Variants in MTA3 observed in about 807,000 individuals in gnomAD.
MTA3 encodes the protein metastasis associated 1 family member 3.
A neutral mutation model predicts 83.5 loss-of-function variants in MTA3; 34 were observed. The ratio of observed to expected loss-of-function variants is 0.41; its 90% CI spans 0.31 to 0.54. MTA3 has a LOEUF of 0.54. Among genes scored for constraint, MTA3 ranks in the 20% least tolerant of loss-of-function variants. MTA3 has a pLI of 0.33. For missense variants in MTA3, 761 were observed against 726.4 expected (o/e 1.05, Z -0.55); for synonymous variants, 303 against 252.7 (o/e 1.20, Z -1.89).
At chr2:42,631,772 C>T (rs1036763909) in intron 4 of MTA3, among the ~76,000 whole-genome samples, 7 of 152,102 alleles carry the variant, frequency 4.6e-5, no homozygotes, top group Non-Finnish European at 1.0e-4. Context: ...TCATTGCAAC[C>T]TCCACCTCCT....
At chr2:42,609,802 A>G (rs1324298621) in intron 4 of MTA3, among the ~76,000 whole-genome samples, 1 of 152,158 alleles carries the variant, frequency 6.6e-6, no homozygotes, top group Admixed American at 6.6e-5. Context: ...CTTTGTTTTA[A>G]TAACAGACTT....
In MTA3 at chr2:42,600,810, G is replaced by T. The variant is rs144906578; in HGVS notation, c.191-8648G>T. 1.9e-3 allele frequency among the ~76,000 whole-genome samples: 284 copies of T among 152,138 alleles called. 2 individuals are homozygous for T. Among genetic ancestry groups the T allele is most frequent in the African/African-American group, 6.5e-3 (270 of 41,510 alleles). On this transcript the variant is annotated intron_variant, in intron 3 of 16. Coordinates refer to ENST00000405094, the MANE Select transcript of MTA3 (RefSeq NM_001330442.2). ...CCTGCCTTGGCCTCGCAAAGTTCTG[G>T]GATTACAGACGTAAGCCACTGTGAT...
intron 15 of MTA3, among the ~76,000 whole-genome samples, chr2:42,719,793 T>G (rs1443642077): frequency 6.6e-6 from 1 of 152,250 alleles, no homozygotes; most frequent in Non-Finnish European, 1.5e-5. Flanking sequence ...GCTCCATTTT[T>G]ATGTTGAAAT....
intron 11 of MTA3, among the ~76,000 whole-genome samples, chr2:42,702,042 C>T (rs1665623326): frequency 6.6e-6 from 1 of 152,114 alleles, no homozygotes; most frequent in Non-Finnish European, 1.5e-5. Flanking sequence ...GAAACTCCGT[C>T]TCTACTAAAA....
At chr2:42,680,963 G>A (rs1013525960) in intron 8 of MTA3, among the ~76,000 whole-genome samples, 3 of 152,038 alleles carry the variant, frequency 2.0e-5, no homozygotes, top group Admixed American at 6.6e-5. Flanking sequence ...GGCTGGTCTC[G>A]AAGTCCTGGG....
chr2:42,744,675 G>A (rs1303226862), intron 16 of MTA3, among the ~76,000 whole-genome samples: 4 of 152,198 alleles, frequency 2.6e-5, no homozygotes, highest in African/African-American at 9.6e-5. Flanking sequence ...AAAGGAAAGG[G>A]AAGGAGACAG....
At chr2:42,634,391 G>T (rs1558526094) in intron 4 of MTA3, among the ~76,000 whole-genome samples, 1 of 152,130 alleles carries the variant, frequency 6.6e-6, no homozygotes, top group South Asian at 2.1e-4. Flanking sequence ...TGCATGGCTG[G>T]GGAAGACTCA....
chr2:42,744,521 A>G (rs1669267489), intron 16 of MTA3, among the ~76,000 whole-genome samples: 1 of 152,094 alleles, frequency 6.6e-6, no homozygotes, highest in Non-Finnish European at 1.5e-5. Flanking sequence ...TTTTTAAATT[A>G]ACCTGACCCT....
At chr2:42,727,854 A>T (rs1167274917) in intron 16 of MTA3, among the ~76,000 whole-genome samples, 1 of 152,128 alleles carries the variant, frequency 6.6e-6, no homozygotes, top group Non-Finnish European at 1.5e-5. Flanking sequence ...TATTTATGGG[A>T]TACATGAGAT....
At chr2:42,647,231 A>C (rs1688295818) in intron 6 of MTA3, among the ~76,000 whole-genome samples, 1 of 150,840 alleles carries the variant, frequency 6.6e-6, no homozygotes. Context: ...ACAGAGAAAA[A>C]CTTTTTTTTA....
chr2:42,621,176 C>G (rs894690215), intron 4 of MTA3, among the ~76,000 whole-genome samples: 7 of 145,546 alleles, frequency 4.8e-5, no homozygotes, highest in African/African-American at 1.8e-4. Flanking sequence ...GTGTTTCTCG[C>G]AGAGGGGGAT....
At chr2:42,679,478 A>C (rs1408377719) in intron 8 of MTA3, among the ~76,000 whole-genome samples, 1 of 152,230 alleles carries the variant, frequency 6.6e-6, no homozygotes, top group Admixed American at 6.5e-5. Context: ...AAAGATGATC[A>C]GATAGGGCAT....
At chr2:42,604,620 G>GT (rs1683013678) in intron 3 of MTA3, among the ~76,000 whole-genome samples, 1 of 121,198 alleles carries the variant, frequency 8.3e-6, no homozygotes, top group South Asian at 2.8e-4. Context: ...ATTCTTGGGT[G>GT]TTTCTCACAG....
At chr2:42,525,474 A>AGTTC (rs1197751143) in intron 2 of MTA3, among the ~76,000 whole-genome samples, 1 of 54,216 alleles carries the variant, frequency 1.8e-5, no homozygotes, top group African/African-American at 8.8e-5. Flanking sequence ...TGCTAGGATC[A>AGTTC]ATTCCTTCCT....
At chr2:42,558,511 A>G (rs2103793919) in intron 2 of MTA3, among the ~76,000 whole-genome samples, 1 of 151,748 alleles carries the variant, frequency 6.6e-6, no homozygotes. Context: ...CGGCCTCCCA[A>G]AATGCTAGGA....
intron 4 of MTA3, among the ~76,000 whole-genome samples, chr2:42,618,748 C>T (rs1172230407): frequency 6.6e-6 from 1 of 152,142 alleles, no homozygotes; most frequent in Non-Finnish European, 1.5e-5. Flanking sequence ...TCTGGGACTA[C>T]AGGCATGTAC....
chr2:42,658,761 A>T (rs1054163933), intron 7 of MTA3, among the ~76,000 whole-genome samples: 29 of 152,064 alleles, frequency 1.9e-4, no homozygotes, highest in African/African-American at 7.0e-4. Context: ...GTTGTATTTT[A>T]ATTAAAATAT....
chr2:42,702,512 C>T (rs1025701890), intron 11 of MTA3: 6 of 152,230 alleles, frequency 3.9e-5, no homozygotes, highest in Admixed American at 1.3e-4. Context: ...TCAACTCTGA[C>T]TTCAGCTGTC....
chr2:42,581,954 G>C (rs912899134), intron 3 of MTA3: 1 of 155,336 alleles, frequency 6.4e-6, no homozygotes, highest in African/African-American at 2.4e-5. Flanking sequence ...TAGTAGAGAC[G>C]GGGTAGGCTG....
Sources: gnomAD v4.1 joint callset for allele counts (sites outside exome capture counted in the v4.1 genomes callset) on GRCh38, gnomAD v4.1.1 for gene constraint, MANE v1.5 for transcripts, NCBI Gene and HGNC (gene_info 2026-07-23, HGNC 2026-07-21) for gene names.